Variants in ADCY7 observed in about 807,000 individuals in gnomAD.
ADCY7 encodes adenylate cyclase type 7.
A neutral mutation model predicts 120.6 loss-of-function variants in ADCY7; 72 were observed. The observed-to-expected ratio is 0.60, with a 90% confidence interval of 0.49 to 0.73. The LOEUF is 0.73. Ranked by LOEUF, ADCY7 falls within the 30% of genes least tolerant of loss-of-function variation. The pLI is 0.00. For missense variants in ADCY7, 1,227 were observed against 1,486.0 expected, an observed-to-expected ratio of 0.83 and a Z score of 2.87; for synonymous variants, 661 against 628.0, an observed-to-expected ratio of 1.05 and a Z score of -0.78.
chr16:50,247,487 G>A (rs551325246), intron 1 of ADCY7, among the ~76,000 whole-genome samples: 94 of 151,662 alleles, frequency 6.2e-4, no homozygotes, highest in Non-Finnish European at 8.7e-4. Flanking sequence ...TCAGCCTCCC[G>A]AGTAGCAGCT....
upstream of ADCY7, among the ~76,000 whole-genome samples, chr16:50,264,242 G>A (rs535162444): frequency 2.6e-5 from 4 of 152,206 alleles, no homozygotes; most frequent in Non-Finnish European, 5.9e-5. Context: ...TCTTTTGTGG[G>A]TGGGTCTTTC....
chr16:50,295,345 A>ATTTTTTTTT lies in ADCY7; in HGVS notation c.948+616_948+624dup, dbSNP rs67137852. Among the ~76,000 whole-genome samples, 463 of 82,718 alleles carry ATTTTTTTTT rather than the reference A, an allele frequency of 5.6e-3. 47 individuals are homozygous for ATTTTTTTTT. Among genetic ancestry groups the ATTTTTTTTT allele is most frequent in the Middle Eastern group, 0.011 (1 of 88 alleles). 54.3% of individuals were successfully genotyped at this position (82,718 alleles called of 152,430 possible). On this transcript the variant is annotated intron_variant, in intron 7 of 25. Coordinates refer to ENST00000673801, the MANE Select transcript of ADCY7 (RefSeq NM_001114.5). ...AGGCATGCACCACCACGCCTGGCTA[A>ATTTTTTTTT]TTTTTTTTTTTTTTTTTTTTTTTTT... is the stretch of plus-strand genomic sequence containing the variant.
rs202017628 is a variant in ADCY7 at position 50,301,101 on chromosome 16, G to A, written c.1255G>A (p.Ala419Thr). ...CCGTAGCCGGGTGCACATCACGGAG[G>A]CCACGCTAAAGCACCTGGACAAGGC... ...GVPGRVHITEATLKHLDKAYE... is the reference protein window; with the variant it reads ...GVPGRVHITETTLKHLDKAYE... The change falls in exon 10 of 26, where the codon GCC (alanine) becomes ACC (threonine). Residue 419 changes from alanine to threonine, a missense_variant. This residue lies in a region of ADCY7 where 332 missense variants were observed against 455.8 expected (regional missense o/e 0.73). Coordinates refer to ENST00000673801, the MANE Select transcript of ADCY7 (RefSeq NM_001114.5). 1.2e-6 allele frequency: 2 copies of A among 1,613,920 alleles called. No individual in the cohort carries two copies. Among genetic ancestry groups the A allele is most frequent in the Admixed American group, 3.3e-5 (2 of 60,008 alleles).
chr16:50,294,196 G>A (rs1477399975), intron 6 of ADCY7, among the ~76,000 whole-genome samples: 2 of 152,168 alleles, frequency 1.3e-5, no homozygotes, highest in Non-Finnish European at 2.9e-5. Context: ...TCTGTAGAAC[G>A]GGAGTTCGGC....
intron 1 of ADCY7, among the ~76,000 whole-genome samples, chr16:50,272,913 A>G (rs1350805527): frequency 6.6e-6 from 1 of 152,050 alleles, no homozygotes; most frequent in Admixed American, 6.5e-5. Flanking sequence ...GCCTCTTTTG[A>G]TATACCCAGA....
At chr16:50,266,200 C>T (rs1350518110), upstream of ADCY7, among the ~76,000 whole-genome samples, 1 of 152,214 alleles carries the variant, frequency 6.6e-6, no homozygotes. Flanking sequence ...GCGTCAGAGC[C>T]CACAGGAGGC....
chr16:50,311,422 A>G (rs114996151), intron 19 of ADCY7, among the ~76,000 whole-genome samples: 2,412 of 152,166 alleles, frequency 0.016, 64 homozygotes, highest in African/African-American at 0.055. Flanking sequence ...ACCCTGGCTC[A>G]CCAGTTCTGG....
chr16:50,253,784 G>T (rs933178258), intron 1 of ADCY7, among the ~76,000 whole-genome samples: 8 of 152,226 alleles, frequency 5.3e-5, no homozygotes, highest in African/African-American at 1.4e-4. Context: ...CCTGTGGTGA[G>T]GTGGGTTGAG....
In ADCY7 at chr16:50,279,897, T is replaced by G. The variant is rs563941808; in HGVS notation, c.-268-8015T>G. Reference sequence around the variant, plus strand: ...GGATTTCAGGAACAAAGAACACTTTTTTTTTCCTTTTTTTGTTGTGTCTCT... The same window carrying G: ...GGATTTCAGGAACAAAGAACACTTTGTTTTTCCTTTTTTTGTTGTGTCTCT... On this transcript the variant is annotated intron_variant, in intron 1 of 25. Transcript: ENST00000673801. Among the ~76,000 whole-genome samples the G allele has an allele frequency of 6.6e-5, 10 of 152,254 alleles. No homozygotes were observed. In the South Asian group the frequency reaches 1.0e-3, roughly 16 times the overall value.
At chr16:50,304,600 G>A (rs766126084) in intron 11 of ADCY7, 49 bp downstream of exon 11, 1 of 1,493,252 alleles carries the variant, frequency 6.7e-7, no homozygotes, top group Non-Finnish European at 9.0e-7. Flanking sequence ...CCCCAAGCCA[G>A]GAGCAGGAGA....
intron 1 of ADCY7, among the ~76,000 whole-genome samples, chr16:50,279,902 T>C (rs1392836828): frequency 1.3e-5 from 2 of 152,164 alleles, no homozygotes; most frequent in South Asian, 2.1e-4. Context: ...ACTTTTTTTT[T>C]CCTTTTTTTG....
chr16:50,310,950 C>A, intron 19 of ADCY7, 70 bp downstream of exon 19: 1 of 1,442,744 alleles, frequency 6.9e-7, no homozygotes, highest in African/African-American at 1.4e-5. Flanking sequence ...CTGCTCGCAC[C>A]AAGGGGCTTC....
chr16:50,310,374 GCT>G, intron 18 of ADCY7: 1 of 1,281,266 alleles, frequency 7.8e-7, no homozygotes, highest in Admixed American at 2.0e-5. Flanking sequence ...GGGAGGGTAA[GCT>G]CACAAAAACT....
intron 1 of ADCY7, among the ~76,000 whole-genome samples, chr16:50,282,184 C>G (rs1484198389): frequency 1.3e-5 from 2 of 152,170 alleles, no homozygotes; most frequent in Admixed American, 6.5e-5. Context: ...CAACAGTGGC[C>G]GGGTGAGGAA....
intron 2 of ADCY7, 103 bp from the exon 3 acceptor site, chr16:50,290,354 T>G: frequency 7.9e-7 from 1 of 1,270,922 alleles, no homozygotes; most frequent in Non-Finnish European, 1.1e-6. Context: ...ACCCTTCACG[T>G]GGAGGAAGCT....
intron 1 of ADCY7, among the ~76,000 whole-genome samples, chr16:50,260,770 A>G (rs75301722): frequency 0.014 from 2,162 of 152,258 alleles, 52 homozygotes; most frequent in African/African-American, 0.049. Flanking sequence ...CGTTCCTCGA[A>G]CACAGATCCC....
chr16:50,271,216 A>G (rs1249371666), intron 1 of ADCY7, among the ~76,000 whole-genome samples: 1 of 152,082 alleles, frequency 6.6e-6, no homozygotes, highest in Non-Finnish European at 1.5e-5. Context: ...TGGAATACCT[A>G]GGACCGTGCT....
chr16:50,288,075 G>A lies in ADCY7; in HGVS notation c.-105G>A. ...AGCCCTGCTTGCCTGCCTCGGAGAG[G>A]ACAGAGGCCTAGGCCCACGGGGGAG... On this transcript the variant is annotated 5_prime_UTR_variant, in exon 2 of 26. Transcript: ENST00000673801. 3 of 1,364,702 alleles carry A rather than the reference G, an allele frequency of 2.2e-6. No homozygotes were observed. The highest frequency in any genetic ancestry group is 9.7e-7 in the Non-Finnish European group (1 of 1,025,642). 84.5% of individuals were successfully genotyped at this position (1,364,702 alleles called of 1,614,324 possible).
At position 50,309,614 on chromosome 16, in the gene ADCY7, A is replaced by G. The variant is rs774724249; in HGVS notation, c.2128A>G (p.Ser710Gly). ...TGAGACAGGCCTACTGGCCGCGAGC[A>G]GCAAGACAAGAGCCCTGTGTGAGCC... ...GNETGLLAAS[S>G]KTRALCEPLP... The change falls in exon 18 of 26, where the codon AGC becomes GGC. Residue 710 changes from serine (S) to glycine (G), a missense_variant. Physicochemically the swap from Ser to Gly is moderately conservative, Grantham distance 56. This residue lies in a region of ADCY7 where 267 missense variants were observed against 270.0 expected (regional missense o/e 0.99). Transcript: ENST00000673801. 4.3e-6 allele frequency: 7 copies of G among 1,612,526 alleles called. No homozygotes were observed. The highest frequency in any genetic ancestry group is 5.9e-6 in the Non-Finnish European group (7 of 1,180,002).
Sources: gnomAD v4.1 joint callset for allele counts (sites outside exome capture counted in the v4.1 genomes callset) on GRCh38, gnomAD v4.1.1 for gene constraint, gnomAD v4.1.1 regional missense constraint, MANE v1.5 for transcripts, NCBI Gene and HGNC (gene_info 2026-07-23, HGNC 2026-07-21) for gene names.